SP140L: variants seen among roughly 807,000 people sequenced by gnomAD.
SP140L encodes the protein nuclear body protein SP140-like protein.
In SP140L, 64 loss-of-function variants were observed where a neutral mutation model predicts 84.3. That is an observed-to-expected ratio of 0.76 (90% CI 0.62 to 0.94). SP140L has a LOEUF of 0.94. Among genes scored for constraint, SP140L ranks in the 40% least tolerant of loss-of-function variants. The pLI is 0.00. For missense variants in SP140L, 628 were observed against 692.5 expected, an observed-to-expected ratio of 0.91 and a Z score of 1.05; for synonymous variants, 242 against 236.9, an observed-to-expected ratio of 1.02 and a Z score of -0.20.
chr2:230,354,845 AAAGG>A lies in SP140L; in HGVS notation c.108-2957_108-2954del, dbSNP rs777529167. On this transcript the variant is annotated intron_variant, in intron 2 of 18. Transcript: ENST00000415673. ...AGAAAGAAAGAGACAAGAAAGAAAG[AAAGG>A]AAAGAAAGAAAGAAAGAAAGAAAGA... 1.9e-3 allele frequency among the ~76,000 whole-genome samples: 222 copies of A among 114,090 alleles called. 1 individual carries two copies. Among genetic ancestry groups the A allele is most frequent in the Middle Eastern group, 3.9e-3 (1 of 258 alleles). 74.8% of individuals were successfully genotyped at this position (114,090 alleles called of 152,430 possible).
At chr2:230,383,849 A>G (rs2061484598) in intron 8 of SP140L, among the ~76,000 whole-genome samples, 2 of 152,114 alleles carry the variant, frequency 1.3e-5, no homozygotes, top group South Asian at 4.1e-4. Flanking sequence ...AGAAATTTTT[A>G]TTAATTTGGA....
At chr2:230,375,021 A>C (rs189754228) in intron 7 of SP140L, among the ~76,000 whole-genome samples, 1 of 152,306 alleles carries the variant, frequency 6.6e-6, no homozygotes, top group Non-Finnish European at 1.5e-5. Context: ...CAAATCTGTC[A>C]GTCTTTTCAT....
intron 4 of SP140L, 130 bp downstream of exon 4, chr2:230,359,262 T>A: frequency 1.3e-6 from 1 of 756,952 alleles, no homozygotes; most frequent in South Asian, 1.9e-5. Context: ...AAAATAGACG[T>A]GTCATGAGTC....
At chr2:230,347,258 A>G (rs992180696) in intron 2 of SP140L, among the ~76,000 whole-genome samples, 3 of 152,094 alleles carry the variant, frequency 2.0e-5, no homozygotes, top group Admixed American at 2.0e-4. Flanking sequence ...ACAAGACCTC[A>G]AGCTACTGTT....
chr2:230,352,098 A>G (rs772708877), intron 2 of SP140L, among the ~76,000 whole-genome samples: 3 of 152,146 alleles, frequency 2.0e-5, no homozygotes, highest in Non-Finnish European at 4.4e-5. Context: ...ATTTCCTTCA[A>G]TAAAATTTTT....
intron 2 of SP140L, among the ~76,000 whole-genome samples, chr2:230,333,325 A>AT (rs1378698017): frequency 1.4e-4 from 22 of 151,920 alleles, no homozygotes; most frequent in Admixed American, 9.8e-4. Context: ...CGTCTGGCTA[A>AT]TTTTTTGTAT....
At chr2:230,346,093 G>GT (rs904844049) in intron 2 of SP140L, among the ~76,000 whole-genome samples, 5 of 151,858 alleles carry the variant, frequency 3.3e-5, no homozygotes, top group African/African-American at 1.2e-4. Flanking sequence ...TTCAACTTTT[G>GT]TTTTTTTGGA....
At chr2:230,341,744 A>C (rs369304405) in intron 2 of SP140L, among the ~76,000 whole-genome samples, 22,056 of 151,674 alleles carry the variant, frequency 0.15, 1,766 homozygotes, top group African/African-American at 0.21. Context: ...TGTTGGAGTA[A>C]CCGGCCATGT....
At position 230,328,809 on chromosome 2, in the gene SP140L, G is replaced by T. The variant is rs558379391; in HGVS notation, c.85G>T (p.Ala29Ser). ...QVANEMNHLP[A>S]HSQSLQRLFT... Reference sequence around the variant, plus strand: ...AGCAAATGAGATGAACCATCTTCCTGCACACAGCCAAAGTCTGCAAAGGTG... The same window carrying T: ...AGCAAATGAGATGAACCATCTTCCTTCACACAGCCAAAGTCTGCAAAGGTG... Residue 29 changes from alanine to serine, a missense_variant, in exon 2 of 19, where the codon GCA becomes TCA. Physicochemically the swap from Ala to Ser is moderately conservative, Grantham distance 99 (BLOSUM62 1). Transcript: ENST00000415673. 1.1e-5 allele frequency: 18 copies of T among 1,611,662 alleles called. No homozygotes were observed. The highest frequency in any genetic ancestry group is 1.7e-4 in the Middle Eastern group (1 of 6,042).
chr2:230,345,220 G>A (rs1453921691), intron 2 of SP140L, among the ~76,000 whole-genome samples: 2 of 152,156 alleles, frequency 1.3e-5, no homozygotes, highest in Admixed American at 1.3e-4. Context: ...ATATCCTCTT[G>A]ATGAATTGGC....
chr2:230,397,166 C>G (rs980908961), intron 14 of SP140L, among the ~76,000 whole-genome samples: 4 of 152,122 alleles, frequency 2.6e-5, no homozygotes, highest in Non-Finnish European at 5.9e-5. Context: ...GAGAGGATAA[C>G]AGCATTCTCA....
intron 7 of SP140L, among the ~76,000 whole-genome samples, chr2:230,374,669 C>G (rs909453713): frequency 2.6e-5 from 4 of 152,186 alleles, no homozygotes; most frequent in Non-Finnish European, 4.4e-5. Flanking sequence ...TATCAACCAC[C>G]ACCATGATCA....
At chr2:230,353,795 G>T (rs903627577) in intron 2 of SP140L, among the ~76,000 whole-genome samples, 1 of 151,486 alleles carries the variant, frequency 6.6e-6, no homozygotes, top group Admixed American at 6.6e-5. Flanking sequence ...TGTTTTTCTT[G>T]TTTTATTTCT....
chr2:230,357,939 G>A lies in SP140L; in HGVS notation c.242G>A (p.Arg81Gln), dbSNP rs753235337. 6.2e-6 allele frequency: 10 copies of A among 1,613,678 alleles called. No homozygotes were observed. Among genetic ancestry groups the A allele is most frequent in the South Asian group, 3.3e-5 (3 of 91,030 alleles). Residue 81 changes from arginine (R) to glutamine (Q), a missense_variant, in exon 3 of 19, where the codon CGG becomes CAG. Coordinates refer to ENST00000415673, the MANE Select transcript of SP140L (RefSeq NM_138402.6). ...CCATTCCTTGAGGGCCTCCGCGATC[G>A]GGAACTCATCACAAATAAAATGTTT... ...TFPFLEGLRDRELITNKMFED... is the reference protein window; with the variant it reads ...TFPFLEGLRDQELITNKMFED...
rs1170719696 is a variant in SP140L at position 230,389,960 on chromosome 2, C to A, written c.901C>A (p.Pro301Thr). ...HKDETVDFQA[P>T]LLPVTCGGVK... ...AGATGAAACTGTGGATTTTCAGGCT[C>A]CTTTACTTCCAGTGACCTGTGGTGG... The change falls in exon 11 of 19, where the codon CCT becomes ACT. Residue 301 changes from proline to threonine, a missense_variant. By Grantham distance (38) the Pro-to-Thr change is conservative. Coordinates refer to ENST00000415673, the MANE Select transcript of SP140L (RefSeq NM_138402.6). 6 of 1,613,796 alleles carry A rather than the reference C, an allele frequency of 3.7e-6. No individual in the cohort carries two copies. The South Asian group carries it at 6.6e-5, about 18-fold the overall frequency.
rs575478208 is a variant in SP140L at position 230,327,213 on chromosome 2, C to G, written c.-57C>G. 2.5e-6 allele frequency: 4 copies of G among 1,572,992 alleles called. No individual in the cohort carries two copies. The highest frequency in any genetic ancestry group is 3.5e-6 in the Non-Finnish European group (4 of 1,157,798). On this transcript the variant is annotated 5_prime_UTR_variant, in exon 1 of 19. Transcript: ENST00000415673. Reference sequence around the variant, plus strand: ...CAGCCACACTGCACGCAGGCTGGGCCGACTGGGGAGCTCATAGGCCAGGCT... The same window carrying G: ...CAGCCACACTGCACGCAGGCTGGGCGGACTGGGGAGCTCATAGGCCAGGCT...
chr2:230,376,800 C>T (rs2061253507), intron 7 of SP140L, among the ~76,000 whole-genome samples: 2 of 151,978 alleles, frequency 1.3e-5, no homozygotes, highest in Non-Finnish European at 2.9e-5. Context: ...CTGGAGGCAT[C>T]ACACCGTATG....
intron 9 of SP140L, among the ~76,000 whole-genome samples, chr2:230,388,244 T>C (rs2061666689): frequency 6.6e-6 from 1 of 152,180 alleles, no homozygotes; most frequent in Admixed American, 6.5e-5. Flanking sequence ...AAATGAAATA[T>C]GAAATGAAAC....
intron 2 of SP140L, 62 bp downstream of exon 2, chr2:230,328,893 G>T: frequency 1.3e-6 from 2 of 1,541,586 alleles, no homozygotes; most frequent in Non-Finnish European, 8.8e-7. Context: ...AAGCTGAACA[G>T]CTTTTCATGT....
Sources: gnomAD v4.1 joint callset for allele counts (sites outside exome capture counted in the v4.1 genomes callset) on GRCh38, gnomAD v4.1.1 for gene constraint, MANE v1.5 for transcripts, NCBI Gene and HGNC (gene_info 2026-07-23, HGNC 2026-07-21) for gene names.